MAGOH: variants seen among roughly 807,000 people sequenced by gnomAD.
MAGOH encodes the protein protein mago nashi homolog.
In MAGOH, 3 loss-of-function variants were observed where a neutral mutation model predicts 20.9. The ratio of observed to expected loss-of-function variants is 0.14; its 90% CI spans 0.07 to 0.37. The LOEUF (loss-of-function observed/expected upper bound fraction) is 0.37. MAGOH is among the 10% of genes least tolerant of loss of function. The pLI is 1.00. For synonymous variants in MAGOH, 51 were observed against 61.0 expected, an observed-to-expected ratio of 0.84 and a Z score of 0.76; for missense variants, 66 against 178.1, an observed-to-expected ratio of 0.37 and a Z score of 3.58.
At chr1:53,227,988 C>T (rs779845905) in intron 4 of MAGOH, among the ~76,000 whole-genome samples, 1 of 152,152 alleles carries the variant, frequency 6.6e-6, no homozygotes, top group South Asian at 2.1e-4. Context: ...AATCCTGAAC[C>T]CTCAAAACGT....
Position 53,228,864 on chromosome 1 carries a change from A to T in MAGOH, c.341+8T>A, listed in dbSNP as rs374754568. 3.8e-6 allele frequency: 6 copies of T among 1,592,678 alleles called. No homozygotes were observed. The highest frequency in any genetic ancestry group is 5.2e-6 in the Non-Finnish European group (6 of 1,160,694). ...ACACAACTGGATATAAGGATCATGC[A>T]CACTTACTTGGATTGATTGACATCA... On this transcript the variant is annotated splice_region_variant and intron_variant, in intron 4 of 4. Transcript: ENST00000371470.
At chr1:53,231,093 C>T (rs1390843044) in intron 3 of MAGOH, among the ~76,000 whole-genome samples, 2 of 152,062 alleles carry the variant, frequency 1.3e-5, no homozygotes, top group African/African-American at 2.4e-5. Flanking sequence ...TTTTTAAATT[C>T]GGCAGATTTT....
intron 1 of MAGOH, 78 bp from the exon 2 acceptor site, chr1:53,235,713 A>C: frequency 8.8e-7 from 1 of 1,133,642 alleles, no homozygotes; most frequent in Non-Finnish European, 1.3e-6. Context: ...AGGCATCAGC[A>C]GTTGCCCAAA....
At chr1:53,237,191 C>G (rs375645602) in intron 1 of MAGOH, among the ~76,000 whole-genome samples, 8 of 150,494 alleles carry the variant, frequency 5.3e-5, no homozygotes, top group African/African-American at 1.9e-4. Context: ...TCAAGTGATC[C>G]GCATACCTCG....
intron 3 of MAGOH, among the ~76,000 whole-genome samples, chr1:53,229,452 C>T (rs999246903): frequency 6.6e-6 from 1 of 152,092 alleles, no homozygotes; most frequent in Non-Finnish European, 1.5e-5. Flanking sequence ...CAGGGTTTCG[C>T]CATGTTGGCC....
chr1:53,230,913 T>C (rs1645583015), intron 3 of MAGOH, among the ~76,000 whole-genome samples: 1 of 152,236 alleles, frequency 6.6e-6, no homozygotes, highest in Non-Finnish European at 1.5e-5. Context: ...ACTTAAGTTT[T>C]AAATTTTTAT....
chr1:53,227,274 G>A (rs965479566), intron 4 of MAGOH, 130 bp from the exon 5 acceptor site: 15 of 473,824 alleles, frequency 3.2e-5, no homozygotes, highest in South Asian at 9.5e-5. Context: ...TTTAATATAG[G>A]GAAATGCTTA....
intron 4 of MAGOH, among the ~76,000 whole-genome samples, chr1:53,227,905 G>T (rs1345786889): frequency 6.6e-6 from 1 of 152,108 alleles, no homozygotes; most frequent in Non-Finnish European, 1.5e-5. Flanking sequence ...AGATTACTGT[G>T]GCATCACTGG....
At chr1:53,233,838 C>G in intron 2 of MAGOH, 186 bp from the exon 3 acceptor site, 1 of 534,218 alleles carries the variant, frequency 1.9e-6, no homozygotes. Context: ...TATCCAGTAA[C>G]TGCACCTCAG....
chr1:53,227,672 C>T (rs1249552142), intron 4 of MAGOH, among the ~76,000 whole-genome samples: 1 of 152,082 alleles, frequency 6.6e-6, no homozygotes, highest in Admixed American at 6.6e-5. Flanking sequence ...TCCCGAGTAG[C>T]TAGGATTACA....
At chr1:53,235,093 C>A (rs773108848) in intron 2 of MAGOH, among the ~76,000 whole-genome samples, 79 of 152,312 alleles carry the variant, frequency 5.2e-4, no homozygotes, top group Non-Finnish European at 1.0e-3. Context: ...TGACATCTAA[C>A]ATGCATTCAA....
chr1:53,231,136 T>C (rs1218299367), intron 3 of MAGOH, among the ~76,000 whole-genome samples: 2 of 152,242 alleles, frequency 1.3e-5, no homozygotes, highest in Non-Finnish European at 2.9e-5. Flanking sequence ...TCTGAAATGG[T>C]ATCTCACTGT....
rs114795903 is a variant in MAGOH at position 53,231,134 on chromosome 1, G to A, written c.259-2180C>T. ...GTTTTTATTCTAATGGGTCTGAAAT[G>A]GTATCTCACTGTTGTCCTTTCATTT... On this transcript the variant is annotated intron_variant, in intron 3 of 4. Transcript: ENST00000371470. 9.6e-3 allele frequency among the ~76,000 whole-genome samples: 1,465 copies of A among 152,210 alleles called. 7 individuals are homozygous for A. Among genetic ancestry groups the A allele is most frequent in the Non-Finnish European group, 0.015 (997 of 68,016 alleles).
chr1:53,233,049 T>A (rs560047623), intron 3 of MAGOH: 2 of 152,632 alleles, frequency 1.3e-5, no homozygotes, highest in South Asian at 4.1e-4. Context: ...TACAGTGAGC[T>A]GAGATTATGC....
intron 1 of MAGOH, 53 bp downstream of exon 1, chr1:53,238,308 C>T: frequency 6.4e-7 from 1 of 1,563,248 alleles, no homozygotes; most frequent in Non-Finnish European, 8.8e-7. Context: ...CCTCCCCACT[C>T]GCCGGCCCCC....
chr1:53,233,803 T>C (rs1645597745), intron 2 of MAGOH, 151 bp from the exon 3 acceptor site: 3 of 611,502 alleles, frequency 4.9e-6, no homozygotes, highest in Admixed American at 2.8e-5. Context: ...CTCGGCATGA[T>C]GCAGGTGAGG....
rs574024826 is a variant in MAGOH at position 53,236,210 on chromosome 1, A to T, written c.89-575T>A. Among the ~76,000 whole-genome samples, 12 of 152,368 alleles carry T rather than the reference A, an allele frequency of 7.9e-5. No individual in the cohort carries two copies. The South Asian group carries it at 2.1e-3, about 26-fold the overall frequency. ...AGAAGACATGTAGACTAGAAGACAT[A>T]CATGTGAGATGAGCCCAGTGAATTT... On this transcript the variant is annotated intron_variant, in intron 1 of 4. Coordinates refer to ENST00000371470, the MANE Select transcript of MAGOH (RefSeq NM_002370.4).
chr1:53,236,949 C>CTTTTTT (rs55693928), intron 1 of MAGOH, among the ~76,000 whole-genome samples: 1 of 128,038 alleles, frequency 7.8e-6, no homozygotes, highest in African/African-American at 2.8e-5. Context: ...CAACCAGTAT[C>CTTTTTT]TTTTTTTTTT....
intron 3 of MAGOH, 52 bp from the exon 4 acceptor site, chr1:53,229,006 G>A (rs1183115046): frequency 1.7e-6 from 2 of 1,204,696 alleles, no homozygotes; most frequent in East Asian, 2.3e-5. Context: ...TATTCATCAA[G>A]CACACAGAAG....
Sources: allele counts gnomAD v4.1 joint callset (sites outside exome capture counted in the v4.1 genomes callset), GRCh38; gene constraint gnomAD v4.1.1; transcripts MANE v1.5; gene names NCBI Gene and HGNC (gene_info 2026-07-23, HGNC 2026-07-21).